The following ABITRAM variants were observed in gnomAD, a reference collection of about 807,000 sequenced individuals.
ABITRAM encodes actin binding transcription modulator.
ABITRAM carries 19 observed loss-of-function variants against 22.9 expected under a neutral mutation model. The ratio of observed to expected loss-of-function variants is 0.83; its 90% CI spans 0.58 to 1.22. The LOEUF is 1.22. Among genes scored for constraint, ABITRAM ranks in the 50% most tolerant of loss-of-function variants. ABITRAM has a pLI of 0.00. For missense variants in ABITRAM, 215 were observed against 220.2 expected (o/e 0.98, Z 0.15); for synonymous variants, 70 against 73.9 (o/e 0.95, Z 0.27).
downstream of ABITRAM, among the ~76,000 whole-genome samples, chr9:108,942,008 TC>T (rs1830261574): frequency 6.6e-6 from 1 of 152,212 alleles, no homozygotes; most frequent in Non-Finnish European, 1.5e-5. Flanking sequence ...GTCTTTGTCT[TC>T]CATTCCATCA....
rs927291279 is a variant in ABITRAM, at chr9:108,939,469, A to G, written c.408+15A>G. Reference sequence around the variant, plus strand: ...TTCAAGAAAAGGTAAAAGAGAGAGAAAAAATATGATCTCATCCACATACCT... The same window carrying G: ...TTCAAGAAAAGGTAAAAGAGAGAGAGAAAATATGATCTCATCCACATACCT... On this transcript the variant is annotated intron_variant, in intron 5 of 5. Coordinates refer to ENST00000322940, the MANE Select transcript of ABITRAM (RefSeq NM_017832.4). 6.9e-6 allele frequency: 11 copies of G among 1,605,380 alleles called. No individual in the cohort carries two copies. The highest frequency in any genetic ancestry group is 9.3e-6 in the Non-Finnish European group (11 of 1,177,850).
Position 108,939,641 on chromosome 9 carries a change from A to G in ABITRAM, c.501A>G (p.Glu167=), listed in dbSNP as rs764148911. Residue 167 remains glutamate, a synonymous_variant, in exon 6 of 6, where the codon GAA becomes GAG. Coordinates refer to ENST00000322940, the MANE Select transcript of ABITRAM (RefSeq NM_017832.4). ...GGTTACTGACACAAAAACAATATGA[A>G]GAAGTCATGGTGAAACGCATTAATG... ...TEGLLTQKQY[E]EVMVKRINAT... 6.2e-7 allele frequency: 1 copy of G among 1,614,152 alleles called. No homozygotes were observed. The highest frequency in any genetic ancestry group is 1.6e-4 in the Middle Eastern group (1 of 6,062).
At chr9:108,950,185 T>G (rs1830519556) in intron 3 of ABITRAM, among the ~76,000 whole-genome samples, 1 of 152,236 alleles carries the variant, frequency 6.6e-6, no homozygotes. Flanking sequence ...AATAACTAGC[T>G]TGATTCCAGC....
At chr9:108,943,582 A>C, downstream of ABITRAM, 1 of 729,464 alleles carries the variant, frequency 1.4e-6, no homozygotes, top group Non-Finnish European at 2.2e-6. Context: ...ATTCTTGTAG[A>C]CAAGGCATGA....
downstream of ABITRAM, among the ~76,000 whole-genome samples, chr9:108,943,391 T>A (rs1437773203): frequency 1.3e-5 from 2 of 152,210 alleles, no homozygotes; most frequent in Non-Finnish European, 2.9e-5. Context: ...CAAACCCATA[T>A]TCTCTCAGAC....
At chr9:108,947,910 AAACC>A (rs1271401829) in intron 3 of ABITRAM, among the ~76,000 whole-genome samples, 4 of 152,242 alleles carry the variant, frequency 2.6e-5, no homozygotes, top group African/African-American at 9.6e-5. Context: ...CTACTTAGGT[AAACC>A]TAAAGCTTAT....
At chr9:108,936,074 C>T (rs1443100572) in intron 2 of ABITRAM, 9 of 534,756 alleles carry the variant, frequency 1.7e-5, no homozygotes, top group Non-Finnish European at 3.0e-5. Flanking sequence ...GTGCTACCTA[C>T]CTAAAGACCT....
At chr9:108,935,440 C>T (rs1830167076) in intron 1 of ABITRAM, among the ~76,000 whole-genome samples, 198 bp from the exon 2 acceptor site, 1 of 152,194 alleles carries the variant, frequency 6.6e-6, no homozygotes, top group African/African-American at 2.4e-5. Context: ...ATAAATTATT[C>T]TATCTGGGCC....
intron 3 of ABITRAM, among the ~76,000 whole-genome samples, chr9:108,937,283 A>G (rs1830201483): frequency 6.6e-6 from 1 of 152,180 alleles, no homozygotes; most frequent in Non-Finnish European, 1.5e-5. Flanking sequence ...CCTGCACACA[A>G]CACTCGGTTA....
chr9:108,943,671 A>AT, downstream of ABITRAM: 1 of 1,569,458 alleles, frequency 6.4e-7, no homozygotes, highest in Non-Finnish European at 8.7e-7. Context: ...ATAAAGATAG[A>AT]TGTGTGAAAG....
At chr9:108,949,282 G>A (rs190769967) in intron 3 of ABITRAM, among the ~76,000 whole-genome samples, 17 of 152,198 alleles carry the variant, frequency 1.1e-4, no homozygotes, top group Non-Finnish European at 1.9e-4. Context: ...GCTTCCCCTC[G>A]TAGTGCAACC....
At chr9:108,949,700 C>T (rs1337534979) in intron 3 of ABITRAM, among the ~76,000 whole-genome samples, 4 of 152,138 alleles carry the variant, frequency 2.6e-5, no homozygotes, top group East Asian at 3.9e-4. Flanking sequence ...AAAAATTAGC[C>T]GGGCGTGGTG....
At chr9:108,943,985 T>C (rs1587937935), downstream of ABITRAM, 3 of 1,613,840 alleles carry the variant, frequency 1.9e-6, no homozygotes, top group East Asian at 6.7e-5. Flanking sequence ...GCTTGAACAC[T>C]GGAAGTAAGC....
downstream of ABITRAM, among the ~76,000 whole-genome samples, chr9:108,944,834 T>A (rs959674009): frequency 2.0e-5 from 3 of 152,144 alleles, no homozygotes; most frequent in Admixed American, 2.0e-4. Context: ...CCAGGGTTAA[T>A]TTTTACCCTC....
rs1830235201 is a variant in ABITRAM at position 108,939,809 on chromosome 9, G to A, written c.*123G>A. ...TAACAGCCAGCCATATGCAGGGGAG[G>A]CCTAGTGCTTCACTTAGTTTTCCCT... On this transcript the variant is annotated 3_prime_UTR_variant, in exon 6 of 6. Transcript: ENST00000322940. 3.5e-6 allele frequency: 4 copies of A among 1,136,210 alleles called. No homozygotes were observed. The highest frequency in any genetic ancestry group is 1.6e-5 in the South Asian group (1 of 61,548). The allele number at this position is 1,136,210 out of a possible 1,614,324, so 70.4% of individuals were successfully genotyped here. A position where few individuals can be genotyped will look rare whatever the true frequency, so the allele number is the denominator to read the frequency against.
chr9:108,950,021 C>T (rs1249265144), intron 3 of ABITRAM, among the ~76,000 whole-genome samples: 4 of 119,208 alleles, frequency 3.4e-5, no homozygotes, highest in Non-Finnish European at 5.0e-5. Flanking sequence ...AAGGCTACAT[C>T]TCAAAAAAAA....
intron 2 of ABITRAM, 172 bp from the exon 3 acceptor site, chr9:108,936,136 A>T: frequency 1.5e-6 from 1 of 657,412 alleles, no homozygotes; most frequent in Non-Finnish European, 2.5e-6. Context: ...TTTCTCTTTT[A>T]TTATTGTATT....
At chr9:108,941,046 T>C (rs1398997374), downstream of ABITRAM, 1 of 152,190 alleles carries the variant, frequency 6.6e-6, no homozygotes, top group African/African-American at 2.4e-5. Flanking sequence ...ACTTGCTCTT[T>C]CTTTCACTAG....
chr9:108,949,358 A>G (rs1830493545), intron 3 of ABITRAM, among the ~76,000 whole-genome samples: 1 of 152,212 alleles, frequency 6.6e-6, no homozygotes. Flanking sequence ...AATACTGAGC[A>G]TGCCATCCTG....
Sources: allele counts gnomAD v4.1 joint callset (sites outside exome capture counted in the v4.1 genomes callset), GRCh38; gene constraint gnomAD v4.1.1; transcripts MANE v1.5; gene names NCBI Gene and HGNC (gene_info 2026-07-23, HGNC 2026-07-21).